CELA2B: variants seen among roughly 807,000 people sequenced by gnomAD.
CELA2B encodes chymotrypsin-like elastase family member 2B.
In CELA2B, 27 loss-of-function variants were observed where a neutral mutation model predicts 36.5. The observed-to-expected ratio is 0.74, with a 90% confidence interval of 0.55 to 1.02. CELA2B has a LOEUF of 1.02. Ranked by LOEUF, CELA2B falls within the 50% of genes least tolerant of loss-of-function variation. The probability of loss-of-function intolerance (pLI) is 0.00; values close to 1 mark genes in which losing one functional copy is unlikely to be tolerated. For synonymous variants in CELA2B, 143 were observed against 148.5 expected, an observed-to-expected ratio of 0.96 and a Z score of 0.27; for missense variants, 340 against 347.8, an observed-to-expected ratio of 0.98 and a Z score of 0.18.
intron 2 of CELA2B, among the ~76,000 whole-genome samples, 200 bp downstream of exon 2, chr1:15,476,745 G>T (rs1167479978): frequency 6.6e-6 from 1 of 152,194 alleles, no homozygotes; most frequent in Non-Finnish European, 1.5e-5. Context: ...CACTTTGGAA[G>T]GTCGTGGTGG....
chr1:15,477,975 C>T (rs1035481144), intron 2 of CELA2B, among the ~76,000 whole-genome samples: 12 of 152,088 alleles, frequency 7.9e-5, no homozygotes, highest in African/African-American at 2.9e-4. Flanking sequence ...GAGAGGCCAG[C>T]GTTCATTCAT....
At chr1:15,483,666 G>A (rs548747098) in intron 5 of CELA2B, among the ~76,000 whole-genome samples, 24 of 152,312 alleles carry the variant, frequency 1.6e-4, no homozygotes, top group African/African-American at 5.1e-4. Flanking sequence ...GGTGGCTCAC[G>A]CCTGTAATCC....
intron 2 of CELA2B, among the ~76,000 whole-genome samples, chr1:15,477,660 T>C (rs960112106): frequency 4.6e-5 from 7 of 152,192 alleles, no homozygotes; most frequent in African/African-American, 9.7e-5. Context: ...ATCCCGACTT[T>C]TACGACTTTT....
chr1:15,484,122 C>A (rs1570810355), intron 5 of CELA2B, among the ~76,000 whole-genome samples: 1 of 152,134 alleles, frequency 6.6e-6, no homozygotes, highest in African/African-American at 2.4e-5. Context: ...TTCAGAACAG[C>A]ATTTCCTCTG....
At chr1:15,477,087 A>G (rs928602660) in intron 2 of CELA2B, among the ~76,000 whole-genome samples, 1 of 152,218 alleles carries the variant, frequency 6.6e-6, no homozygotes, top group Non-Finnish European at 1.5e-5. Flanking sequence ...CCCACTGCCC[A>G]TAAACAAATT....
chr1:15,478,597 ACT>A (rs1421238770), intron 2 of CELA2B, among the ~76,000 whole-genome samples: 3 of 128,338 alleles, frequency 2.3e-5, no homozygotes, highest in African/African-American at 9.1e-5. Flanking sequence ...GCAGAGTCTT[ACT>A]CTGTCACCCA....
chr1:15,488,770 A>G (rs1479709407), intron 7 of CELA2B, among the ~76,000 whole-genome samples: 1 of 152,228 alleles, frequency 6.6e-6, no homozygotes, highest in Non-Finnish European at 1.5e-5. Flanking sequence ...ACCAAATATG[A>G]AACTGCAGCC....
chr1:15,486,964 C>G (rs927982494), intron 6 of CELA2B, among the ~76,000 whole-genome samples: 2 of 152,224 alleles, frequency 1.3e-5, no homozygotes, highest in Admixed American at 6.5e-5. Flanking sequence ...TACAAACTGC[C>G]TGTGCAACCT....
chr1:15,483,969 A>AGTT, intron 5 of CELA2B, among the ~76,000 whole-genome samples: 1 of 151,792 alleles, frequency 6.6e-6, no homozygotes, highest in Non-Finnish European at 1.5e-5. Flanking sequence ...TACATCACAG[A>AGTT]GTTGTCAAGA....
intron 7 of CELA2B, 73 bp from the exon 8 acceptor site, chr1:15,491,222 G>C: frequency 6.3e-7 from 1 of 1,592,298 alleles, no homozygotes; most frequent in Non-Finnish European, 8.6e-7. Flanking sequence ...CAGGAGGACA[G>C]AGACAGGAAA....
intron 2 of CELA2B, among the ~76,000 whole-genome samples, chr1:15,477,707 C>G (rs1370332888): frequency 6.6e-6 from 1 of 152,146 alleles, no homozygotes; most frequent in African/African-American, 2.4e-5. Flanking sequence ...GACACTAATT[C>G]AAGAGCAATT....
chr1:15,487,671 C>T (rs772430004), intron 7 of CELA2B, among the ~76,000 whole-genome samples: 9 of 152,202 alleles, frequency 5.9e-5, no homozygotes, highest in Non-Finnish European at 8.8e-5. Context: ...TGTCCAAAGA[C>T]GTTGGACACT....
chr1:15,485,905 CG>C lies in CELA2B; in HGVS notation c.502del (p.Ala168LeufsTer6), dbSNP rs1708798020. 3 of 1,614,174 alleles carry C rather than the reference CG, an allele frequency of 1.9e-6. No homozygotes were observed. Among genetic ancestry groups the C allele is most frequent in the Non-Finnish European group, 1.7e-6 (2 of 1,180,030 alleles). On this transcript the variant is annotated frameshift_variant, in exon 6 of 8. Transcript: ENST00000375910. LOFTEE classifies it high-confidence loss of function. ...CTTCTCTCTGGTCTCATTCAGCCAACGGGGCTCTCCCTGATGACCTGAAGCA... is the reference window on the plus strand; with the variant it reads ...CTTCTCTCTGGTCTCATTCAGCCAACGGGCTCTCCCTGATGACCTGAAGCA... ...VTGWGRLQTNGALPDDLKQGQ... is the reference protein window; with the variant it reads ...VTGWGRLQTNXALPDDLKQGQ...
chr1:15,479,293 C>T (rs1570807173), intron 2 of CELA2B, among the ~76,000 whole-genome samples: 1 of 152,204 alleles, frequency 6.6e-6, no homozygotes. Context: ...GCATGTAATC[C>T]CAACACTTTG....
intron 2 of CELA2B, 93 bp from the exon 3 acceptor site, chr1:15,481,005 C>G (rs762540677): frequency 7.0e-7 from 1 of 1,430,400 alleles, no homozygotes; most frequent in South Asian, 1.2e-5. Context: ...CCTCACTCCC[C>G]CTTACCCTTG....
At chr1:15,483,542 C>G (rs1708768997) in intron 5 of CELA2B, 142 bp downstream of exon 5, 1 of 1,372,168 alleles carries the variant, frequency 7.3e-7, no homozygotes, top group Non-Finnish European at 9.9e-7. Context: ...TGATGTCTGC[C>G]TGGGTTCAAA....
At chr1:15,478,203 T>C (rs1402570691) in intron 2 of CELA2B, among the ~76,000 whole-genome samples, 1 of 102,632 alleles carries the variant, frequency 9.7e-6, no homozygotes, top group African/African-American at 5.1e-5. Context: ...GGCTGAGGCA[T>C]ATATATATAT....
At position 15,482,310 on chromosome 1, in the gene CELA2B, C is replaced by A. The variant is rs200537312; in HGVS notation, c.273C>A (p.Tyr91Ter). ...TGATGCTGGGCCAGCATAACCTCTA[C>A]GTTGCAGAGTCCGGCTCGCTGGCCG... ...YRVMLGQHNL[Y>*]VAESGSLAVS... Residue 91 changes from tyrosine to a stop codon, truncating the protein, a stop_gained, in exon 4 of 8, where the codon TAC (tyrosine) becomes TAA (stop). Transcript: ENST00000375910. LOFTEE classifies it high-confidence loss of function. The A allele has an allele frequency of 6.2e-7, 1 of 1,614,126 alleles. No individual in the cohort carries two copies. The highest frequency in any genetic ancestry group is 1.3e-5 in the African/African-American group (1 of 75,042).
In CELA2B at chr1:15,483,535, T is replaced by C. The variant is rs1708768901; in HGVS notation, c.493+135T>C. Reference sequence around the variant, plus strand: ...GGAGAGACAGGATGGCATAGGCTGATGTCTGCCTGGGTTCAAATGTCAGCT... The same window carrying C: ...GGAGAGACAGGATGGCATAGGCTGACGTCTGCCTGGGTTCAAATGTCAGCT... On this transcript the variant is annotated intron_variant, in intron 5 of 7. Coordinates refer to ENST00000375910, the MANE Select transcript of CELA2B (RefSeq NM_015849.3). The C allele has an allele frequency of 3.4e-5, 47 of 1,402,402 alleles. No homozygotes were observed. In the South Asian group the frequency reaches 5.0e-4, roughly 15 times the overall value. The allele number at this position is 1,402,402 out of a possible 1,614,324, so 86.9% of individuals were successfully genotyped here. A position where few individuals can be genotyped will look rare whatever the true frequency, so the allele number is the denominator to read the frequency against.
Sources: allele counts gnomAD v4.1 joint callset (sites outside exome capture counted in the v4.1 genomes callset), GRCh38; gene constraint gnomAD v4.1.1; transcripts MANE v1.5; gene names NCBI Gene and HGNC (gene_info 2026-07-23, HGNC 2026-07-21).